Variants in TSHZ2 observed in about 807,000 individuals in gnomAD.
TSHZ2 encodes the protein teashirt homolog 2.
Under a neutral mutation model 74.4 loss-of-function variants are expected in TSHZ2, and 21 were observed. That is an observed-to-expected ratio of 0.28 (90% CI 0.20 to 0.41). The LOEUF (loss-of-function observed/expected upper bound fraction) is 0.41, where lower values mean the gene tolerates loss of function less well. TSHZ2 is among the 10% of genes least tolerant of loss of function. The pLI is 1.00. For missense variants in TSHZ2, 1,244 were observed against 1,293.5 expected, an observed-to-expected ratio of 0.96 and a Z score of 0.59; for synonymous variants, 540 against 515.3, an observed-to-expected ratio of 1.05 and a Z score of -0.65.
intron 1 of TSHZ2, among the ~76,000 whole-genome samples, chr20:53,150,123 G>A (rs944628797): frequency 2.0e-5 from 3 of 152,160 alleles, no homozygotes; most frequent in African/African-American, 7.2e-5. Flanking sequence ...CGCTATTTCT[G>A]TTTTGGGGAT....
chr20:53,100,163 T>C (rs1197217624), intron 1 of TSHZ2, among the ~76,000 whole-genome samples: 1 of 152,156 alleles, frequency 6.6e-6, no homozygotes, highest in Non-Finnish European at 1.5e-5. Context: ...TTGCTTGAGA[T>C]CCCACAGAGA....
chr20:53,312,053 C>A (rs1996015), intron 2 of TSHZ2, among the ~76,000 whole-genome samples: 1,832 of 152,078 alleles, frequency 0.012, 37 homozygotes, highest in African/African-American at 0.043. Flanking sequence ...TGCACTCTAG[C>A]CTGGGTGACA....
chr20:53,312,278 A>G (rs915863830), intron 2 of TSHZ2, among the ~76,000 whole-genome samples: 4 of 152,078 alleles, frequency 2.6e-5, no homozygotes, highest in African/African-American at 4.8e-5. Context: ...TACAAATATC[A>G]AGAGACGTGG....
chr20:53,163,354 CTG>C (rs1397607060), intron 1 of TSHZ2, among the ~76,000 whole-genome samples: 7 of 108,348 alleles, frequency 6.5e-5, no homozygotes, highest in South Asian at 6.6e-4. Context: ...CGCACGCTCT[CTG>C]TCTCTTTTTT....
At chr20:53,007,899 G>A (rs559847412) in intron 1 of TSHZ2, among the ~76,000 whole-genome samples, 1 of 152,044 alleles carries the variant, frequency 6.6e-6, no homozygotes, top group African/African-American at 2.4e-5. Flanking sequence ...CACAGCAAAT[G>A]GTCTGGCTGT....
intron 2 of TSHZ2, among the ~76,000 whole-genome samples, chr20:53,325,810 C>T (rs1292056036): frequency 6.6e-6 from 1 of 152,104 alleles, no homozygotes; most frequent in Admixed American, 6.5e-5. Flanking sequence ...GAGATGGAGT[C>T]TCACACTGTC....
At chr20:53,358,360 A>T (rs1480018375) in intron 2 of TSHZ2, among the ~76,000 whole-genome samples, 3 of 133,192 alleles carry the variant, frequency 2.3e-5, no homozygotes, top group African/African-American at 8.3e-5. Flanking sequence ...TTTTTTTCCC[A>T]AACAGAGTCT....
intron 2 of TSHZ2, among the ~76,000 whole-genome samples, chr20:53,374,142 C>T (rs1475063034): frequency 1.3e-5 from 2 of 152,124 alleles, no homozygotes; most frequent in African/African-American, 2.4e-5. Flanking sequence ...CCTCACCCTC[C>T]TCCCTTCACC....
intron 1 of TSHZ2, among the ~76,000 whole-genome samples, chr20:53,251,033 G>A (rs1010092739): frequency 6.6e-6 from 1 of 152,108 alleles, no homozygotes; most frequent in Admixed American, 6.6e-5. Context: ...GTCAGGCACG[G>A]TGCTAGGCAC....
At chr20:53,270,990 C>T (rs1336305462) in intron 2 of TSHZ2, among the ~76,000 whole-genome samples, 1 of 152,160 alleles carries the variant, frequency 6.6e-6, no homozygotes, top group Non-Finnish European at 1.5e-5. Flanking sequence ...TGAGCAGTAA[C>T]CATGGAGATG....
chr20:53,350,499 AC>A (rs1980607136), intron 2 of TSHZ2, among the ~76,000 whole-genome samples: 1 of 152,206 alleles, frequency 6.6e-6, no homozygotes, highest in South Asian at 2.1e-4. Context: ...CTAACCCCAA[AC>A]ACATGTCACA....
chr20:53,220,627 G>A (rs960648782), intron 1 of TSHZ2, among the ~76,000 whole-genome samples: 5 of 152,150 alleles, frequency 3.3e-5, no homozygotes, highest in South Asian at 2.1e-4. Flanking sequence ...ACCAGATGCC[G>A]TATGTACCAC....
At chr20:53,442,133 G>GTA (rs1984358233) in intron 2 of TSHZ2, among the ~76,000 whole-genome samples, 7 of 152,108 alleles carry the variant, frequency 4.6e-5, no homozygotes, top group Admixed American at 2.6e-4. Context: ...ATTTTATTTT[G>GTA]TATTTGTTGA....
intron 2 of TSHZ2, among the ~76,000 whole-genome samples, chr20:53,460,283 C>T (rs113541757): frequency 6.6e-6 from 1 of 151,772 alleles, no homozygotes; most frequent in Non-Finnish European, 1.5e-5. Flanking sequence ...TCTAAACTTC[C>T]CTTCTCGCTT....
chr20:53,337,941 C>A (rs976509880), intron 2 of TSHZ2, among the ~76,000 whole-genome samples: 1 of 152,188 alleles, frequency 6.6e-6, no homozygotes, highest in Non-Finnish European at 1.5e-5. Flanking sequence ...TTCTTCAGTG[C>A]TTCCCCTGGC....
intron 1 of TSHZ2, among the ~76,000 whole-genome samples, chr20:53,113,936 G>A (rs904494398): frequency 2.6e-5 from 4 of 151,750 alleles, no homozygotes; most frequent in Non-Finnish European, 5.9e-5. Context: ...CAAAAAAAAA[G>A]GTCCATATAG....
rs186553937 is a variant in TSHZ2, at chr20:53,140,641, A to C, written c.41-112858A>C. 3.9e-4 allele frequency among the ~76,000 whole-genome samples: 59 copies of C among 151,368 alleles called. 1 individual carries two copies. The East Asian group carries it at 8.3e-3, about 21-fold the overall frequency. ...GGTTTAATTTCTGATTCTGACCCCC[A>C]TGGCTATATTCCCTGGCCTTGCCAG... On this transcript the variant is annotated intron_variant, in intron 1 of 2. Transcript: ENST00000371497.
chr20:53,020,531 G>A (rs2086086758), intron 1 of TSHZ2, among the ~76,000 whole-genome samples: 1 of 152,180 alleles, frequency 6.6e-6, no homozygotes, highest in African/African-American at 2.4e-5. Context: ...CTAGCTTCTT[G>A]TGGCTATTTT....
At chr20:53,151,519 C>A (rs1197851701) in intron 1 of TSHZ2, among the ~76,000 whole-genome samples, 2 of 152,026 alleles carry the variant, frequency 1.3e-5, no homozygotes, top group Non-Finnish European at 2.9e-5. Context: ...TAGATAATAT[C>A]TTCAGGAAGG....
Sources: gnomAD v4.1 joint callset for allele counts (sites outside exome capture counted in the v4.1 genomes callset) on GRCh38, gnomAD v4.1.1 for gene constraint, MANE v1.5 for transcripts, NCBI Gene and HGNC (gene_info 2026-07-23, HGNC 2026-07-21) for gene names.